SH3TC2: variants seen among roughly 807,000 people sequenced by gnomAD.
SH3TC2 encodes SH3 domain and tetratricopeptide repeats 2.
SH3TC2 carries 87 observed loss-of-function variants against 124.5 expected under a neutral mutation model. That is an observed-to-expected ratio of 0.70 (90% CI 0.59 to 0.84). The LOEUF (loss-of-function observed/expected upper bound fraction) is 0.84, where lower values mean the gene tolerates loss of function less well. Among genes scored for constraint, SH3TC2 ranks in the 40% least tolerant of loss-of-function variants. The pLI is 0.00. For synonymous variants in SH3TC2, 634 were observed against 628.5 expected (o/e 1.01, Z -0.13); for missense variants, 1,536 against 1,566.4 (o/e 0.98, Z 0.33).
Position 148,994,737 on chromosome 5 carries a change from T to TG in SH3TC2, c.*9973dup, listed in dbSNP as rs779047148. 2.8e-5 allele frequency among the ~76,000 whole-genome samples: 4 copies of TG among 142,236 alleles called. No individual in the cohort carries two copies. Among genetic ancestry groups the TG allele is most frequent in the South Asian group, 2.2e-4 (1 of 4,494 alleles). The allele number at this position is 142,236 out of a possible 152,430, so 93.3% of individuals were successfully genotyped here. ...ATGGATGGATGGATGGATGGATGGA[T>TG]GAATAGATGGATGAATAGATGGATG... On this transcript the variant is annotated 3_prime_UTR_variant, in exon 17 of 17. Coordinates refer to ENST00000515425, the MANE Select transcript of SH3TC2 (RefSeq NM_024577.4).
intron 12 of SH3TC2, among the ~76,000 whole-genome samples, chr5:149,016,094 A>G (rs1370248639): frequency 6.6e-6 from 1 of 152,218 alleles, no homozygotes; most frequent in South Asian, 2.1e-4. Flanking sequence ...CCTGACATCT[A>G]TTGAGCACTT....
Position 148,991,812 on chromosome 5 carries a change from G to C in SH3TC2, c.*12899C>G, listed in dbSNP as rs1198725934. Among the ~76,000 whole-genome samples the C allele has an allele frequency of 6.6e-6, 1 of 152,200 alleles. No homozygotes were observed. The stretch of plus-strand genomic sequence containing the variant: ...CTCACAACAGAAACAGCTGGTGTCA[G>C]AGAACTCTACAAATATGGCAGATCA... On this transcript the variant is annotated 3_prime_UTR_variant, in exon 17 of 17. Transcript: ENST00000515425.
chr5:149,036,592 C>T (rs1754287002), intron 8 of SH3TC2, among the ~76,000 whole-genome samples: 1 of 152,180 alleles, frequency 6.6e-6, no homozygotes, highest in Non-Finnish European at 1.5e-5. Context: ...AATGAGAGCT[C>T]ACTGGATTTA....
At chr5:149,010,531 T>A in intron 13 of SH3TC2, 139 bp from the exon 14 acceptor site, 1 of 1,134,122 alleles carries the variant, frequency 8.8e-7, no homozygotes, top group Non-Finnish European at 1.3e-6. Flanking sequence ...GTCTTCACAC[T>A]CCTAGGGCTG....
At chr5:149,006,432 A>G (rs998852626) in intron 16 of SH3TC2, among the ~76,000 whole-genome samples, 6 of 152,232 alleles carry the variant, frequency 3.9e-5, no homozygotes, top group African/African-American at 1.4e-4. Context: ...ACATTACTTT[A>G]TAAGAAATGA....
intron 1 of SH3TC2, among the ~76,000 whole-genome samples, chr5:149,062,696 G>C (rs1007863067): frequency 3.3e-5 from 5 of 152,202 alleles, no homozygotes; most frequent in Admixed American, 3.3e-4. Flanking sequence ...GTCACACCCT[G>C]GGAGTGGCAG....
At position 149,031,555 on chromosome 5, in the gene SH3TC2, G is replaced by A; in HGVS notation, c.1134C>T (p.Leu378=). The change falls in exon 9 of 17, where the codon CTC becomes CTT. Residue 378 remains leucine (L), a splice_region_variant and synonymous_variant. Coordinates refer to ENST00000515425, the MANE Select transcript of SH3TC2 (RefSeq NM_024577.4). ...AGGTGTCTGAGGACCAACACTCACT[G>A]AGCCGGTAGACAGATGTGATGTCAG... is the stretch of plus-strand genomic sequence containing the variant. ...ARTDITSVYR[L]SGFESIQNPP... is the part of the protein sequence containing the mutation. 6.2e-7 allele frequency: 1 copy of A among 1,614,118 alleles called. No individual in the cohort carries two copies. The highest frequency in any genetic ancestry group is 8.5e-7 in the Non-Finnish European group (1 of 1,180,016).
rs901922699 is a variant in SH3TC2 at position 148,995,651 on chromosome 5, A to G, written c.*9060T>C. ...TTAAAACTTTCTCCCTGAAGGTCAA[A>G]ACCCAAGTCCAACATTTCATTCCTT... is the stretch of plus-strand genomic sequence containing the variant. On this transcript the variant is annotated 3_prime_UTR_variant, in exon 17 of 17. Coordinates refer to ENST00000515425, the MANE Select transcript of SH3TC2 (RefSeq NM_024577.4). Among the ~76,000 whole-genome samples, 2 of 152,176 alleles carry G rather than the reference A, an allele frequency of 1.3e-5. No homozygotes were observed. Among genetic ancestry groups the G allele is most frequent in the Non-Finnish European group, 2.9e-5 (2 of 68,026 alleles).
rs1203558303 is a variant in SH3TC2 at position 148,996,953 on chromosome 5, A to C, written c.*7758T>G. On this transcript the variant is annotated 3_prime_UTR_variant, in exon 17 of 17. Transcript: ENST00000515425. ...AATACAGTAAAATGGAAGGTTAGGG[A>C]AGTAGATAATTAAGCATTCCTGAAT... is the stretch of plus-strand genomic sequence containing the variant. Among the ~76,000 whole-genome samples, 1 of 152,216 alleles carries C rather than the reference A, an allele frequency of 6.6e-6. No individual in the cohort carries two copies. Among genetic ancestry groups the C allele is most frequent in the African/African-American group, 2.4e-5 (1 of 41,464 alleles).
At position 149,027,930 on chromosome 5, in the gene SH3TC2, C is replaced by T; in HGVS notation, c.1802G>A (p.Cys601Tyr). The T allele has an allele frequency of 6.2e-7, 1 of 1,614,086 alleles. No individual in the cohort carries two copies. Among genetic ancestry groups the T allele is most frequent in the Non-Finnish European group, 8.5e-7 (1 of 1,180,042 alleles). ...GGCACTAGACTCACGGTCAGGCAGG[C>T]AGGCCAGCAGGGCACCTGCCTTTTC... ...LLEKAGALLA[C>Y]LPDRESSAKH... is the part of the protein sequence containing the mutation. Residue 601 changes from cysteine (C) to tyrosine (Y), a missense_variant, in exon 11 of 17, where the codon TGC becomes TAC. Cys to Tyr is a radical substitution (Grantham distance 194, BLOSUM62 -2). Around this residue, in one of 3 missense-constraint regions of SH3TC2, gnomAD observed 1,102 missense variants for 1,098.6 expected, o/e 1.00. Transcript: ENST00000515425.
At position 148,998,146 on chromosome 5, in the gene SH3TC2, CAG is replaced by C. The variant is rs368030230; in HGVS notation, c.*6563_*6564del. Among the ~76,000 whole-genome samples, 691 of 152,184 alleles carry C rather than the reference CAG, an allele frequency of 4.5e-3. 6 individuals carry two copies. Among genetic ancestry groups the C allele is most frequent in the African/African-American group, 0.016 (673 of 41,522 alleles). ...GTTTTTAAAAATGAATAGAACAAAA[CAG>C]AATGTATGAGTGCATTTCTCTATGT... On this transcript the variant is annotated 3_prime_UTR_variant, in exon 17 of 17. Coordinates refer to ENST00000515425, the MANE Select transcript of SH3TC2 (RefSeq NM_024577.4).
chr5:149,001,603 T>G lies in SH3TC2; in HGVS notation c.*3108A>C, dbSNP rs1005101884. The G allele has an allele frequency of 6.6e-6, 1 of 152,242 alleles. No homozygotes were observed. The highest frequency in any genetic ancestry group is 2.4e-5 in the African/African-American group (1 of 41,464). The allele number at this position is 152,242 out of a possible 1,614,324, so 9.4% of individuals were successfully genotyped here. A position where few individuals can be genotyped will look rare whatever the true frequency, so the allele number is the denominator to read the frequency against. On this transcript the variant is annotated 3_prime_UTR_variant, in exon 17 of 17. Coordinates refer to ENST00000515425, the MANE Select transcript of SH3TC2 (RefSeq NM_024577.4). The stretch of plus-strand genomic sequence containing the variant: ...GCCCACATTTCAAAAATGAAAATTT[T>G]AAACACTTTTTAAAAGAGTTTTAGC...
At chr5:149,040,866 G>T (rs757330538) in intron 6 of SH3TC2, among the ~76,000 whole-genome samples, 189 bp from the exon 7 acceptor site, 6 of 152,100 alleles carry the variant, frequency 3.9e-5, no homozygotes, top group Non-Finnish European at 7.4e-5. Flanking sequence ...AGTAGACCTG[G>T]GATATTTTGT....
intron 16 of SH3TC2, among the ~76,000 whole-genome samples, chr5:149,006,486 C>T (rs1265447864): frequency 6.6e-6 from 1 of 152,140 alleles, no homozygotes; most frequent in Non-Finnish European, 1.5e-5. Context: ...TGGACAAACT[C>T]TTAAGTATTC....
In SH3TC2 at chr5:148,994,112, A is replaced by C. The variant is rs1394004582; in HGVS notation, c.*10599T>G. Reference sequence around the variant, plus strand: ...GCATCCCAGACAGGATGTTCAGGTGAACAAGATCTATCTAGCTTAAGTTCC... The same window carrying C: ...GCATCCCAGACAGGATGTTCAGGTGCACAAGATCTATCTAGCTTAAGTTCC... On this transcript the variant is annotated 3_prime_UTR_variant, in exon 17 of 17. Transcript: ENST00000515425. Among the ~76,000 whole-genome samples, 6 of 152,374 alleles carry C rather than the reference A, an allele frequency of 3.9e-5. No individual in the cohort carries two copies. The South Asian group carries it at 8.3e-4, about 21-fold the overall frequency.
rs764346124 is a variant in SH3TC2 at position 149,027,358 on chromosome 5, C to T, written c.2374G>A (p.Glu792Lys). The T allele has an allele frequency of 1.9e-6, 3 of 1,614,038 alleles. No individual in the cohort carries two copies. Among genetic ancestry groups the T allele is most frequent in the Non-Finnish European group, 1.7e-6 (2 of 1,180,004 alleles). ...QALVLGQLLGEQESFESSLCL... is the reference protein window; with the variant it reads ...QALVLGQLLGKQESFESSLCL... ...AGAGAAGACTCAAAGGATTCCTGCT[C>T]ACCCAGCAGCTGCCCTAGCACCAAG... The change falls in exon 11 of 17, where the codon GAG (glutamate) becomes AAG (lysine). Residue 792 changes from glutamate to lysine, a missense_variant. By Grantham distance (56) the Glu-to-Lys change is moderately conservative. Coordinates refer to ENST00000515425, the MANE Select transcript of SH3TC2 (RefSeq NM_024577.4).
chr5:149,048,837 G>A (rs867919380), intron 2 of SH3TC2, among the ~76,000 whole-genome samples: 9 of 152,210 alleles, frequency 5.9e-5, no homozygotes, highest in South Asian at 2.1e-4. Flanking sequence ...TAGTGTTGTC[G>A]AGAAAGGCCA....
At chr5:149,058,021 C>T (rs1053823656) in intron 1 of SH3TC2, among the ~76,000 whole-genome samples, 2 of 152,160 alleles carry the variant, frequency 1.3e-5, no homozygotes, top group African/African-American at 2.4e-5. Flanking sequence ...GTGGCACCCA[C>T]CACAAGGAGA....
At chr5:149,059,735 G>A (rs1372914783) in intron 1 of SH3TC2, among the ~76,000 whole-genome samples, 1 of 151,914 alleles carries the variant, frequency 6.6e-6, no homozygotes, top group African/African-American at 2.4e-5. Context: ...GTGAGTTCAT[G>A]AATATGTAGT....
Sources: allele counts gnomAD v4.1 joint callset (sites outside exome capture counted in the v4.1 genomes callset), GRCh38; gene constraint gnomAD v4.1.1; regional missense constraint gnomAD v4.1.1; transcripts MANE v1.5; gene names NCBI Gene and HGNC (gene_info 2026-07-23, HGNC 2026-07-21).